The following PLCB1 variants were observed in gnomAD, a reference collection of about 807,000 sequenced individuals.
PLCB1 encodes the protein 1-phosphatidylinositol 4,5-bisphosphate phosphodiesterase beta-1.
Under a neutral mutation model 161.8 loss-of-function variants are expected in PLCB1, and 46 were observed. That is an observed-to-expected ratio of 0.28 (90% confidence interval 0.22 to 0.36). The LOEUF (loss-of-function observed/expected upper bound fraction) is 0.36. Ranked by LOEUF, PLCB1 falls within the 10% of genes least tolerant of loss-of-function variation. The pLI, the probability that PLCB1 is intolerant of heterozygous loss-of-function variation, is 1.00. For synonymous variants in PLCB1, 517 were observed against 503.7 expected (o/e 1.03, Z -0.35); for missense variants, 1,016 against 1,472.5 (o/e 0.69, Z 5.07).
intron 9 of PLCB1, among the ~76,000 whole-genome samples, chr20:8,667,986 G>A (rs749596215): frequency 3.9e-5 from 6 of 152,102 alleles, no homozygotes; most frequent in Non-Finnish European, 7.4e-5. Context: ...TGGGGTGGAG[G>A]GGACTCTGGC....
At chr20:8,393,158 C>T (rs931772927) in intron 3 of PLCB1, among the ~76,000 whole-genome samples, 8 of 152,238 alleles carry the variant, frequency 5.3e-5, no homozygotes, top group Admixed American at 3.3e-4. Context: ...TACTTCTGTA[C>T]TCAAATGCTG....
intron 3 of PLCB1, among the ~76,000 whole-genome samples, chr20:8,424,275 A>G (rs1326594961): frequency 2.0e-5 from 3 of 152,200 alleles, no homozygotes; most frequent in African/African-American, 7.2e-5. Context: ...GTGAAGATTC[A>G]TGTTTGAGTC....
chr20:8,667,910 A>G (rs6055988), intron 9 of PLCB1, among the ~76,000 whole-genome samples: 8,177 of 152,038 alleles, frequency 0.054, 715 homozygotes, highest in African/African-American at 0.19. Context: ...AGCATTGACA[A>G]TTGTTGGCTA....
At chr20:8,320,961 AAG>A (rs983689849) in intron 2 of PLCB1, among the ~76,000 whole-genome samples, 2 of 151,722 alleles carry the variant, frequency 1.3e-5, no homozygotes, top group African/African-American at 4.8e-5. Context: ...AAGGAAAAGA[AAG>A]AAAGGGAAAA....
Position 8,884,266 on chromosome 20 carries a change from G to T in PLCB1, c.*2417G>T, listed in dbSNP as rs1217318622. ...TCATTTAATAATATTAATATTACTT[G>T]AAATAGACTAAGATAAAGAAAAGGG... On this transcript the variant is annotated 3_prime_UTR_variant, in exon 32 of 32. Transcript: ENST00000338037. The T allele has an allele frequency of 2.0e-5, 3 of 152,492 alleles. No homozygotes were observed. Among genetic ancestry groups the T allele is most frequent in the African/African-American group, 7.2e-5 (3 of 41,414 alleles). 9.4% of individuals were successfully genotyped at this position (152,492 alleles called of 1,614,324 possible).
chr20:8,517,827 C>T (rs1984196618), intron 3 of PLCB1, among the ~76,000 whole-genome samples: 2 of 152,166 alleles, frequency 1.3e-5, no homozygotes, highest in South Asian at 4.1e-4. Flanking sequence ...GTTTATCCTA[C>T]ACCAGGTTGA....
chr20:8,382,776 T>A (rs984038056), intron 3 of PLCB1, among the ~76,000 whole-genome samples: 2 of 152,154 alleles, frequency 1.3e-5, no homozygotes. Context: ...CTCGATCTCC[T>A]GACCTCATGA....
intron 3 of PLCB1, among the ~76,000 whole-genome samples, chr20:8,414,351 A>G (rs909306479): frequency 1.3e-5 from 2 of 152,216 alleles, no homozygotes; most frequent in African/African-American, 4.8e-5. Flanking sequence ...AGAAACAAAA[A>G]CAAAAAACAA....
chr20:8,169,521 A>G (rs931127496), intron 2 of PLCB1, among the ~76,000 whole-genome samples: 27 of 152,158 alleles, frequency 1.8e-4, no homozygotes, highest in African/African-American at 6.3e-4. Flanking sequence ...TTTAATATAT[A>G]TTGTGTGAAT....
At chr20:8,866,906 T>C (rs1372534248) in intron 31 of PLCB1, among the ~76,000 whole-genome samples, 1 of 152,180 alleles carries the variant, frequency 6.6e-6, no homozygotes, top group East Asian at 1.9e-4. Context: ...ATAAACATCA[T>C]ATTTAGAAGG....
intron 3 of PLCB1, among the ~76,000 whole-genome samples, chr20:8,444,893 GT>G (rs1032954557): frequency 0.011 from 1,566 of 147,582 alleles, 20 homozygotes; most frequent in African/African-American, 0.032. Context: ...TTTTGATGAG[GT>G]TTTTTTTTTT....
At chr20:8,376,797 A>G (rs371304577) in intron 3 of PLCB1, among the ~76,000 whole-genome samples, 131 of 152,054 alleles carry the variant, frequency 8.6e-4, no homozygotes, top group East Asian at 2.5e-3. Flanking sequence ...GCATGGTGGC[A>G]GGCGCCTGTA....
At chr20:8,360,812 G>A (rs569683185) in intron 2 of PLCB1, among the ~76,000 whole-genome samples, 1 of 152,138 alleles carries the variant, frequency 6.6e-6, no homozygotes, top group Non-Finnish European at 1.5e-5. Flanking sequence ...TTGGAAAATA[G>A]ATTAACTCAT....
At chr20:8,609,467 G>A (rs1214726927) in intron 3 of PLCB1, among the ~76,000 whole-genome samples, 1 of 152,176 alleles carries the variant, frequency 6.6e-6, no homozygotes. Flanking sequence ...TCCTTCAAAA[G>A]CTGTGCATGT....
At chr20:8,387,977 TAAAAAAAAAAAAAA>T (rs1555802977) in intron 3 of PLCB1, among the ~76,000 whole-genome samples, 1 of 126,800 alleles carries the variant, frequency 7.9e-6, no homozygotes, top group Non-Finnish European at 1.6e-5. Context: ...CCACTTTTTT[TAAAAAAAAAAAAAA>T]AAAAAAGAAG....
At chr20:8,537,827 A>G (rs1292073588) in intron 3 of PLCB1, among the ~76,000 whole-genome samples, 2 of 144,478 alleles carry the variant, frequency 1.4e-5, no homozygotes, top group African/African-American at 5.5e-5. Context: ...ATAGTGTTTT[A>G]TGCATTTTAA....
rs146571346 is a variant in PLCB1, at chr20:8,699,592, G to A, written c.1167+1809G>A. On this transcript the variant is annotated intron_variant, in intron 11 of 31. Coordinates refer to ENST00000338037, the MANE Select transcript of PLCB1 (RefSeq NM_015192.4). ...CTTCTTAATGTGAAACACTTGAGAT[G>A]TGAGAAAATAAACAGTGATCACTGA... 7.7e-3 allele frequency among the ~76,000 whole-genome samples: 1,176 copies of A among 152,310 alleles called. 17 individuals are homozygous for A. Among genetic ancestry groups the A allele is most frequent in the African/African-American group, 0.025 (1,046 of 41,568 alleles).
chr20:8,688,039 A>G (rs6039232), intron 10 of PLCB1, among the ~76,000 whole-genome samples: 100,108 of 152,022 alleles, frequency 0.66, 34,061 homozygotes, highest in South Asian at 0.78. Context: ...TTGCAAGAGT[A>G]AGGTGGTATC....
intron 3 of PLCB1, among the ~76,000 whole-genome samples, chr20:8,435,249 C>A (rs1568674729): frequency 1.3e-5 from 2 of 150,022 alleles, no homozygotes; most frequent in African/African-American, 2.5e-5. Flanking sequence ...ATGTGGTAGA[C>A]CTAATTCTGA....
Sources: allele counts gnomAD v4.1 joint callset (sites outside exome capture counted in the v4.1 genomes callset), GRCh38; gene constraint gnomAD v4.1.1; transcripts MANE v1.5; gene names NCBI Gene and HGNC (gene_info 2026-07-23, HGNC 2026-07-21).